The following AHNAK variants were observed in gnomAD, a reference collection of about 807,000 sequenced individuals.
AHNAK encodes neuroblast differentiation-associated protein AHNAK.
A neutral mutation model predicts 37.8 loss-of-function variants in AHNAK; 23 were observed. The observed-to-expected ratio is 0.61, with a 90% confidence interval of 0.44 to 0.86. The LOEUF is 0.86. AHNAK is among the 40% of genes least tolerant of loss of function. The probability of loss-of-function intolerance (pLI) is 0.00; values close to 1 mark genes in which losing one functional copy is unlikely to be tolerated. For missense variants in AHNAK, 7,411 were observed against 7,319.4 expected (o/e 1.01, Z -0.46); for synonymous variants, 2,481 against 2,636.3 (o/e 0.94, Z 1.80).
rs756647537 is a variant in AHNAK at position 62,517,314 on chromosome 11, TTCCCACTCGCCGTC to T, written c.17089_17102del (p.Asp5697ArgfsTer3). 6.2e-7 allele frequency: 1 copy of T among 1,614,078 alleles called. No homozygotes were observed. Among genetic ancestry groups the T allele is most frequent in the Non-Finnish European group, 8.5e-7 (1 of 1,180,038 alleles). On this transcript the variant is annotated frameshift_variant, in exon 5 of 5. Transcript: ENST00000378024. LOFTEE classifies it high-confidence loss of function. ...ACTTTTTCAGTTTGACTTCAGACTC[TTCCCACTCGCCGTC>T]TCCAGCACCAGCTTGGATGCTGGCC...
chr11:62,479,167 C>CTTTTTTTTTTTTTTTTTTTT (rs33929407), intron 5 of AHNAK, among the ~76,000 whole-genome samples: 2 of 116,248 alleles, frequency 1.7e-5, no homozygotes, highest in African/African-American at 3.3e-5. Context: ...TTTCTTTTTT[C>CTTTTTTTTTTTTTTTTTTTT]TTTTTTTTTT....
intron 5 of AHNAK, among the ~76,000 whole-genome samples, chr11:62,488,771 G>A (rs1939444096): frequency 6.6e-6 from 1 of 151,972 alleles, no homozygotes; most frequent in Admixed American, 6.6e-5. Context: ...GCCCTACTGA[G>A]TGTGAAGTCT....
intron 5 of AHNAK, among the ~76,000 whole-genome samples, chr11:62,439,254 C>A (rs867221431): frequency 6.6e-6 from 1 of 151,958 alleles, no homozygotes; most frequent in Non-Finnish European, 1.5e-5. Flanking sequence ...GCCACCACGC[C>A]TAGCTAATTT....
intron 5 of AHNAK, among the ~76,000 whole-genome samples, chr11:62,468,880 CT>C (rs1938973576): frequency 6.6e-6 from 1 of 152,242 alleles, no homozygotes; most frequent in Non-Finnish European, 1.5e-5. Flanking sequence ...CTTTCCTCAG[CT>C]CTTTTCTGTC....
rs765230315 is a variant in AHNAK, at chr11:62,522,472, G to A, written c.11945C>T (p.Ala3982Val). ...CTTGAATTTAGGGCCCTTCAGTTTC[G>A]CATCTGGACCTTCAATATTCACATC... ...VPDVNIEGPDAKLKGPKFKMP... is the reference protein window; with the variant it reads ...VPDVNIEGPDVKLKGPKFKMP... The change falls in exon 5 of 5, where the codon GCG becomes GTG. Residue 3982 changes from alanine (A) to valine (V), a missense_variant. Physicochemically the swap from Ala to Val is moderately conservative, Grantham distance 64. Coordinates refer to ENST00000378024, the MANE Select transcript of AHNAK (RefSeq NM_001620.3). 86 of 1,609,610 alleles carry A rather than the reference G, an allele frequency of 5.3e-5. No individual in the cohort carries two copies. The highest frequency in any genetic ancestry group is 6.8e-5 in the African/African-American group (5 of 73,356).
At chr11:62,495,576 C>CAAAA (rs57144253) in intron 4 of AHNAK, among the ~76,000 whole-genome samples, 51 of 136,448 alleles carry the variant, frequency 3.7e-4, no homozygotes, top group African/African-American at 1.2e-3. Flanking sequence ...TCTAAAAATA[C>CAAAA]AAAAAAAAAA....
intron 4 of AHNAK, among the ~76,000 whole-genome samples, chr11:62,493,479 C>T (rs12289932): frequency 6.6e-6 from 1 of 151,754 alleles, no homozygotes; most frequent in Non-Finnish European, 1.5e-5. Flanking sequence ...GCATGTGCCA[C>T]CACACCAGCT....
In AHNAK at chr11:62,520,753, A is replaced by G; in HGVS notation, c.13664T>C (p.Val4555Ala). 1.2e-6 allele frequency: 2 copies of G among 1,614,116 alleles called. No individual in the cohort carries two copies. Among genetic ancestry groups the G allele is most frequent in the South Asian group, 1.1e-5 (1 of 91,066 alleles). Residue 4555 changes from valine (V) to alanine (A), a missense_variant, in exon 5 of 5, where the codon GTC (valine) becomes GCC (alanine). Coordinates refer to ENST00000378024, the MANE Select transcript of AHNAK (RefSeq NM_001620.3). ...GTCAATGCCCACTTTAGGGCCTTTGACATCCACTTTGGGACCTTTCAGATC... is the reference window on the plus strand; with the variant it reads ...GTCAATGCCCACTTTAGGGCCTTTGGCATCCACTTTGGGACCTTTCAGATC... Reference protein sequence around the residue: ...EGDLKGPKVDVKGPKVGIDTP... With the variant: ...EGDLKGPKVDAKGPKVGIDTP...
At position 62,530,138 on chromosome 11, in the gene AHNAK, T is replaced by A; in HGVS notation, c.4279A>T (p.Ile1427Phe). 3 of 1,613,754 alleles carry A rather than the reference T, an allele frequency of 1.9e-6. No individual in the cohort carries two copies. The highest frequency in any genetic ancestry group is 2.5e-6 in the Non-Finnish European group (3 of 1,179,922). ...TTTAGTTTTGCGTCTGGACCTTCAA[T>A]ATTCACATCTGGAACTTCAGCATCC... ...KMDAEVPDVN[I>F]EGPDAKLKGP... Residue 1427 changes from isoleucine (I) to phenylalanine (F), a missense_variant, in exon 5 of 5, where the codon ATT becomes TTT. Transcript: ENST00000378024.
chr11:62,537,618 G>T (rs1056728297), intron 1 of AHNAK, among the ~76,000 whole-genome samples: 6 of 151,920 alleles, frequency 3.9e-5, no homozygotes, highest in African/African-American at 1.5e-4. Context: ...GAGTCTCTGA[G>T]AGAACAGCTT....
In AHNAK at chr11:62,533,719, C is replaced by T; in HGVS notation, c.698G>A (p.Gly233Glu). The T allele has an allele frequency of 6.2e-7, 1 of 1,614,150 alleles. No homozygotes were observed. Among genetic ancestry groups the T allele is most frequent in the Non-Finnish European group, 8.5e-7 (1 of 1,180,038 alleles). ...GTGGCCAGCACCTTGGAGCTCTGGT[C>T]CTGAAGCAGAAATGGCCCCTGCTCG... ...DIRAGAISAS[G>E]PELQGAGHSK... The change falls in exon 5 of 5, where the codon GGA becomes GAA. Residue 233 changes from glycine to glutamate, a missense_variant. Coordinates refer to ENST00000378024, the MANE Select transcript of AHNAK (RefSeq NM_001620.3).
intron 5 of AHNAK, among the ~76,000 whole-genome samples, chr11:62,470,707 G>C (rs537962913): frequency 6.6e-6 from 1 of 152,024 alleles, no homozygotes; most frequent in East Asian, 1.9e-4. Context: ...TAAAGAGTCC[G>C]ACAGTGATCA....
At chr11:62,454,466 T>TC (rs1938613870) in intron 5 of AHNAK, among the ~76,000 whole-genome samples, 1 of 151,502 alleles carries the variant, frequency 6.6e-6, no homozygotes, top group South Asian at 2.1e-4. Flanking sequence ...CCTCCCATCT[T>TC]CAAGAAGTTA....
intron 4 of AHNAK, among the ~76,000 whole-genome samples, chr11:62,497,599 C>T (rs1286421195): frequency 6.6e-6 from 1 of 152,158 alleles, no homozygotes; most frequent in African/African-American, 2.4e-5. Context: ...GATTATGTTA[C>T]TAGTGTGAAT....
Position 62,528,094 on chromosome 11 carries a change from G to A in AHNAK, c.6323C>T (p.Pro2108Leu). 6.2e-7 allele frequency: 1 copy of A among 1,612,790 alleles called. No homozygotes were observed. Among genetic ancestry groups the A allele is most frequent in the Non-Finnish European group, 8.5e-7 (1 of 1,179,708 alleles). Residue 2108 changes from proline to leucine, a missense_variant, in exon 5 of 5, where the codon CCT (proline) becomes CTT (leucine). Pro to Leu is a moderately conservative substitution (Grantham distance 98). Transcript: ENST00000378024. ...CTTGGGGGCCTTGAAGTGCATCTCAGGCATCTTAAGCTTGGGGCCCTTCAG... is the reference window on the plus strand; with the variant it reads ...CTTGGGGGCCTTGAAGTGCATCTCAAGCATCTTAAGCTTGGGGCCCTTCAG... ...GKLKGPKLKM[P>L]EMHFKAPKIS... is the part of the protein sequence containing the mutation.
intron 5 of AHNAK, among the ~76,000 whole-genome samples, chr11:62,485,926 C>A (rs753093084): frequency 4.7e-5 from 7 of 148,584 alleles, no homozygotes; most frequent in Admixed American, 1.4e-4. Flanking sequence ...GAGGCTGAGG[C>A]AGGGGAATCA....
chr11:62,526,567 C>T lies in AHNAK; in HGVS notation c.7850G>A (p.Gly2617Glu), dbSNP rs1940496407. The T allele has an allele frequency of 6.2e-7, 1 of 1,612,146 alleles. No individual in the cohort carries two copies. The highest frequency in any genetic ancestry group is 1.7e-5 in the Admixed American group (1 of 59,730). The change falls in exon 5 of 5, where the codon GGG becomes GAG. Residue 2617 changes from glycine to glutamate, a missense_variant. Transcript: ENST00000378024. ...TGGGGCATTAATATCCACTTTGGGC[C>T]CCTTGATGTCAACTTCGGGGCCCTT... ...DLKGPEVDIKGPKVDINAPDV... is the reference protein window; with the variant it reads ...DLKGPEVDIKEPKVDINAPDV...
Position 62,531,923 on chromosome 11 carries a change from C to T in AHNAK, c.2494G>A (p.Val832Ile), listed in dbSNP as rs763058737. The change falls in exon 5 of 5, where the codon GTA becomes ATA. Residue 832 changes from valine (V) to isoleucine (I), a missense_variant. Transcript: ENST00000378024. ...ATTGTGACATCATATTCTCCCTTTA[C>T]GTTAGGGCCTTTCAGATGTAAGTCC... ...DVDLHLKGPN[V>I]KGEYDVTMPK... 9.3e-6 allele frequency: 15 copies of T among 1,613,704 alleles called. No homozygotes were observed. The highest frequency in any genetic ancestry group is 1.6e-4 in the Middle Eastern group (1 of 6,080).
intron 1 of AHNAK, among the ~76,000 whole-genome samples, chr11:62,539,570 G>A (rs1234053674): frequency 6.6e-6 from 1 of 152,244 alleles, no homozygotes; most frequent in Non-Finnish European, 1.5e-5. Context: ...AACCAGGGCT[G>A]CCCTGCAGAC....
Sources: allele counts gnomAD v4.1 joint callset (sites outside exome capture counted in the v4.1 genomes callset), GRCh38; gene constraint gnomAD v4.1.1; transcripts MANE v1.5; gene names NCBI Gene and HGNC (gene_info 2026-07-23, HGNC 2026-07-21).